PLA2G7: variants seen among roughly 807,000 people sequenced by gnomAD.
PLA2G7 encodes platelet-activating factor acetylhydrolase.
A neutral mutation model predicts 49.6 loss-of-function variants in PLA2G7; 63 were observed. The observed-to-expected ratio is 1.27, with a 90% CI of 1.04 to 1.57. PLA2G7 has a LOEUF of 1.57. PLA2G7 is among the 40% of genes most tolerant of loss of function. The pLI, the probability that PLA2G7 is intolerant of heterozygous loss-of-function variation, is 0.00. For synonymous variants in PLA2G7, 193 were observed against 169.9 expected (o/e 1.14, Z -1.06); for missense variants, 596 against 521.2 (o/e 1.14, Z -1.40).
chr6:46,717,797 C>T (rs1404134641), intron 2 of PLA2G7, among the ~76,000 whole-genome samples: 3 of 151,088 alleles, frequency 2.0e-5, no homozygotes, highest in Non-Finnish European at 2.9e-5. Flanking sequence ...CTGCAACCTC[C>T]GACTCCCTGG....
chr6:46,715,062 A>G (rs986542975), intron 4 of PLA2G7, among the ~76,000 whole-genome samples: 2 of 152,156 alleles, frequency 1.3e-5, no homozygotes, highest in Non-Finnish European at 2.9e-5. Context: ...CCATAGGATC[A>G]TTAACGATGA....
At chr6:46,722,691 G>T (rs922685806) in intron 2 of PLA2G7, 92 bp downstream of exon 2, 1 of 763,386 alleles carries the variant, frequency 1.3e-6, no homozygotes, top group African/African-American at 1.7e-5. Flanking sequence ...AATAGGACTT[G>T]TTTAGATGTG....
chr6:46,727,998 A>T (rs1260194007), intron 1 of PLA2G7, among the ~76,000 whole-genome samples: 1 of 152,170 alleles, frequency 6.6e-6, no homozygotes, highest in Non-Finnish European at 1.5e-5. Context: ...TTTGTAGAAA[A>T]TTTTTACAGC....
intron 8 of PLA2G7, 43 bp downstream of exon 8, chr6:46,710,498 CAATA>C: frequency 8.2e-7 from 1 of 1,226,222 alleles, no homozygotes; most frequent in African/African-American, 1.5e-5. Context: ...TGACAAAAAA[CAATA>C]AAGAACTGTA....
intron 1 of PLA2G7, among the ~76,000 whole-genome samples, chr6:46,732,913 C>T (rs1045905437): frequency 2.6e-5 from 4 of 152,106 alleles, no homozygotes; most frequent in Non-Finnish European, 5.9e-5. Context: ...CTCTTCAATG[C>T]TTTTATTTTA....
chr6:46,734,190 C>T (rs1355220738), intron 1 of PLA2G7, among the ~76,000 whole-genome samples: 1 of 152,068 alleles, frequency 6.6e-6, no homozygotes, highest in Non-Finnish European at 1.5e-5. Context: ...GACTTGGTGA[C>T]ACAGCTGTGA....
In PLA2G7 at chr6:46,716,474, G is replaced by T. The variant is rs758562180; in HGVS notation, c.286C>A (p.Leu96Ile). 8.1e-6 allele frequency: 13 copies of T among 1,613,738 alleles called. No individual in the cohort carries two copies. The South Asian group carries it at 1.4e-4, about 18-fold the overall frequency. Residue 96 changes from leucine (L) to isoleucine (I), a missense_variant, in exon 4 of 12, where the codon CTT becomes ATT. Physicochemically the swap from Leu to Ile is conservative, Grantham distance 5. Transcript: ENST00000274793. Reference sequence around the variant, plus strand: ...AAATATTCTTTATTTGGGATCCAAAGGGTGTCAAGGCGATCATTATCTTGG... The same window carrying T: ...AAATATTCTTTATTTGGGATCCAAATGGTGTCAAGGCGATCATTATCTTGG... ...PSQDNDRLDTLWIPNKEYFWG... is the reference protein window; with the variant it reads ...PSQDNDRLDTIWIPNKEYFWG...
chr6:46,708,637 T>C (rs975337736), intron 9 of PLA2G7, among the ~76,000 whole-genome samples: 3 of 152,156 alleles, frequency 2.0e-5, no homozygotes, highest in African/African-American at 7.2e-5. Flanking sequence ...GAAAAACATA[T>C]GGAGCATATC....
In PLA2G7 at chr6:46,705,265, A is replaced by G; in HGVS notation, c.1077T>C (p.Phe359=). ...SVHQNFADFT[F]ATGKIIGHML... ...TGTGTCCAATTATTTTGCCAGTTGC[A>G]AAAGTGAAGTCAGCAAAATTCTGGT... The change falls in exon 11 of 12, where the codon TTT becomes TTC. Residue 359 remains phenylalanine (F), a synonymous_variant. Transcript: ENST00000274793. 1.2e-6 allele frequency: 2 copies of G among 1,612,594 alleles called. No individual in the cohort carries two copies. Among genetic ancestry groups the G allele is most frequent in the Non-Finnish European group, 1.7e-6 (2 of 1,178,806 alleles).
Position 46,704,582 on chromosome 6 carries a change from G to A in PLA2G7, c.1304C>T (p.Ser435Leu). The change falls in exon 12 of 12, where the codon TCA becomes TTA. Residue 435 changes from serine (S) to leucine (L), a missense_variant. Physicochemically the swap from Ser to Leu is moderately radical, Grantham distance 145 (BLOSUM62 -2). Transcript: ENST00000274793. ...ATCCTAATTGTATTTCTCTATTCCT[G>A]AAGAGTTCTGTAACATGATGTGTTG... is the stretch of plus-strand genomic sequence containing the variant. ...TNQHIMLQNSSGIEKYN is the reference protein window; with the variant it reads ...TNQHIMLQNSLGIEKYN 2 of 1,592,392 alleles carry A rather than the reference G, an allele frequency of 1.3e-6. No individual in the cohort carries two copies. Among genetic ancestry groups the A allele is most frequent in the Admixed American group, 1.7e-5 (1 of 59,786 alleles).
intron 1 of PLA2G7, among the ~76,000 whole-genome samples, chr6:46,732,969 C>T (rs1421369): frequency 0.51 from 77,821 of 151,962 alleles, 22,301 homozygotes; most frequent in African/African-American, 0.77. Context: ...CTTATTATCA[C>T]GAATCTTGAA....
chr6:46,709,771 C>T (rs1440753749), intron 8 of PLA2G7, among the ~76,000 whole-genome samples: 2 of 152,148 alleles, frequency 1.3e-5, no homozygotes, highest in African/African-American at 4.8e-5. Context: ...TGAGTACCTA[C>T]TCTGTGCCAG....
chr6:46,720,910 C>T (rs1765376226), intron 2 of PLA2G7, among the ~76,000 whole-genome samples: 1 of 152,176 alleles, frequency 6.6e-6, no homozygotes, highest in South Asian at 2.1e-4. Flanking sequence ...CTAGCCCATT[C>T]CTACAAACCT....
chr6:46,717,725 T>G (rs1765265905), intron 2 of PLA2G7, among the ~76,000 whole-genome samples: 1 of 144,752 alleles, frequency 6.9e-6, no homozygotes. Context: ...CTTTTTTTTT[T>G]TTTTTGAGAC....
rs1764734602 is a variant in PLA2G7 at position 46,704,596 on chromosome 6, C to CA, written c.1289dup (p.Met430IlefsTer17). 6.3e-7 allele frequency: 1 copy of CA among 1,594,654 alleles called. No homozygotes were observed. Among genetic ancestry groups the CA allele is most frequent in the African/African-American group, 1.3e-5 (1 of 74,476 alleles). On this transcript the variant is annotated frameshift_variant, in exon 12 of 12. Coordinates refer to ENST00000274793, the MANE Select transcript of PLA2G7 (RefSeq NM_005084.4). LOFTEE classifies it low-confidence loss of function (END_TRUNC). ...TCTCTATTCCTGAAGAGTTCTGTAA[C>CA]ATGATGTGTTGATTGGTTGTGTTAA...
intron 10 of PLA2G7, among the ~76,000 whole-genome samples, chr6:46,706,795 TAGAA>T (rs1375856002): frequency 2.6e-5 from 4 of 152,202 alleles, no homozygotes; most frequent in African/African-American, 9.7e-5. Flanking sequence ...GTTTTAGAAT[TAGAA>T]AGAGTTGCAC....
chr6:46,730,819 T>C (rs1295969651), intron 1 of PLA2G7, among the ~76,000 whole-genome samples: 1 of 152,188 alleles, frequency 6.6e-6, no homozygotes, highest in African/African-American at 2.4e-5. Flanking sequence ...CCCTTTAAGA[T>C]ACCCAAACAC....
chr6:46,730,746 T>A (rs1041242944), intron 1 of PLA2G7, among the ~76,000 whole-genome samples: 1 of 152,292 alleles, frequency 6.6e-6, no homozygotes, highest in African/African-American at 2.4e-5. Context: ...AGCAACTAAT[T>A]CAACCTTTCA....
At position 46,734,161 on chromosome 6, in the gene PLA2G7, A is replaced by T. The variant is rs185356904; in HGVS notation, c.-35+1019T>A. Reference sequence around the variant, plus strand: ...GTTTTCTGATTTTGCTTAATTTTTTAAAAATGAGCCTCTCCCTTGACTTGG... The same window carrying T: ...GTTTTCTGATTTTGCTTAATTTTTTTAAAATGAGCCTCTCCCTTGACTTGG... On this transcript the variant is annotated intron_variant, in intron 1 of 11. Transcript: ENST00000274793. Among the ~76,000 whole-genome samples the T allele has an allele frequency of 4.1e-3, 621 of 152,216 alleles. 2 individuals are homozygous for T. Among genetic ancestry groups the T allele is most frequent in the Non-Finnish European group, 6.0e-3 (407 of 68,016 alleles).
Sources: gnomAD v4.1 joint callset for allele counts (sites outside exome capture counted in the v4.1 genomes callset) on GRCh38, gnomAD v4.1.1 for gene constraint, MANE v1.5 for transcripts, NCBI Gene and HGNC (gene_info 2026-07-23, HGNC 2026-07-21) for gene names.